Variants in MXD3 observed in about 807,000 individuals in gnomAD.
MXD3 encodes Max-associated protein 3.
Under a neutral mutation model 27.5 loss-of-function variants are expected in MXD3, and 20 were observed. The ratio of observed to expected loss-of-function variants is 0.73; its 90% confidence interval spans 0.51 to 1.06. The LOEUF (loss-of-function observed/expected upper bound fraction) is 1.06, where lower values mean the gene tolerates loss of function less well. Ranked by LOEUF, MXD3 falls within the 50% of genes least tolerant of loss-of-function variation. The pLI, the probability that MXD3 is intolerant of heterozygous loss-of-function variation, is 0.00. For missense variants in MXD3, 298 were observed against 291.3 expected, an observed-to-expected ratio of 1.02 and a Z score of -0.17; for synonymous variants, 150 against 130.7, an observed-to-expected ratio of 1.15 and a Z score of -1.01.
At chr5:177,312,148 A>C, upstream of MXD3, 1 of 1,063,082 alleles carries the variant, frequency 9.4e-7, no homozygotes, top group Non-Finnish European at 1.1e-6. Flanking sequence ...CGCCTCACTC[A>C]TCCACCCACG....
At chr5:177,312,544 C>T (rs1384568431), upstream of MXD3, 6 of 985,442 alleles carry the variant, frequency 6.1e-6, no homozygotes, top group South Asian at 4.7e-5. Context: ...GGGCGGCGGA[C>T]CCGGCTCCTG....
rs1760902401 is a variant in MXD3 at position 177,307,261 on chromosome 5, G to A, written c.*327C>T. 6.4e-7 allele frequency: 1 copy of A among 1,551,678 alleles called. No individual in the cohort carries two copies. The highest frequency in any genetic ancestry group is 8.7e-7 in the Non-Finnish European group (1 of 1,146,976). On this transcript the variant is annotated 3_prime_UTR_variant, in exon 6 of 6. Transcript: ENST00000439742. ...ACTGTACAGTTTATGTGAGGCAAAG[G>A]CAGGGGGCCTTGTCCAGGAAGGGAA...
Position 177,307,600 on chromosome 5 carries a change from G to C in MXD3, c.609C>G (p.Gly203=). 1.2e-6 allele frequency: 2 copies of C among 1,612,604 alleles called. No homozygotes were observed. Among genetic ancestry groups the C allele is most frequent in the Non-Finnish European group, 1.7e-6 (2 of 1,179,884 alleles). ...TGGGTGAGGAACATCATAGCCAGGCGCCGCCGCCGTGCGAGTAGCTGTGCT... is the reference window on the plus strand; with the variant it reads ...TGGGTGAGGAACATCATAGCCAGGCCCCGCCGCCGTGCGAGTAGCTGTGCT... ...GQEHSYSHGG[G]AWL The change falls in exon 6 of 6, where the codon GGC becomes GGG. Residue 203 remains glycine (G), a synonymous_variant. Coordinates refer to ENST00000439742, the MANE Select transcript of MXD3 (RefSeq NM_031300.4).
At chr5:177,308,321 T>A (rs1001044130) in intron 4 of MXD3, among the ~76,000 whole-genome samples, 2 of 151,726 alleles carry the variant, frequency 1.3e-5, no homozygotes, top group African/African-American at 4.8e-5. Context: ...GCCAGGCATG[T>A]GCTGTCATGG....
In MXD3 at chr5:177,311,891, C is replaced by T; in HGVS notation, c.-61G>A. The T allele has an allele frequency of 6.4e-7, 1 of 1,566,864 alleles. No homozygotes were observed. The highest frequency in any genetic ancestry group is 8.6e-7 in the Non-Finnish European group (1 of 1,158,538). On this transcript the variant is annotated 5_prime_UTR_variant, in exon 1 of 6. In the 5' UTR this introduces an upstream ATG that the reference lacks. Coordinates refer to ENST00000439742, the MANE Select transcript of MXD3 (RefSeq NM_031300.4). Reference sequence around the variant, plus strand: ...CCGGCCGGAGCAAGCGGCTGCAGCACTTTTGTTACAAAGTAACTGACACGG... The same window carrying T: ...CCGGCCGGAGCAAGCGGCTGCAGCATTTTTGTTACAAAGTAACTGACACGG...
In MXD3 at chr5:177,307,293, CA is replaced by C; in HGVS notation, c.*294del. ...GCCTTGTCCAGGAAGGGAAGAGGCC[CA>C]AGAGGCTTCCTGTCCCCTTGGGGGC... On this transcript the variant is annotated 3_prime_UTR_variant, in exon 6 of 6. Transcript: ENST00000439742. 1.9e-6 allele frequency: 3 copies of C among 1,550,114 alleles called. No individual in the cohort carries two copies. The highest frequency in any genetic ancestry group is 2.6e-6 in the Non-Finnish European group (3 of 1,145,948).
In MXD3 at chr5:177,307,448, G is replaced by A. The variant is rs1033621489; in HGVS notation, c.*140C>T. ...CAGCCAGCAGCAGGGTGTTTGGGGA[G>A]CACCTGTTCCCACACAAGGGTCCTT... On this transcript the variant is annotated 3_prime_UTR_variant, in exon 6 of 6. Coordinates refer to ENST00000439742, the MANE Select transcript of MXD3 (RefSeq NM_031300.4). 22 of 1,518,068 alleles carry A rather than the reference G, an allele frequency of 1.4e-5. No individual in the cohort carries two copies. Among genetic ancestry groups the A allele is most frequent in the East Asian group, 1.2e-4 (5 of 40,814 alleles). 94.0% of individuals were successfully genotyped at this position (1,518,068 alleles called of 1,614,324 possible). A position where few individuals can be genotyped will look rare whatever the true frequency, so the allele number is the denominator to read the frequency against.
At position 177,311,763 on chromosome 5, in the gene MXD3, C is replaced by A; in HGVS notation, c.68G>T (p.Arg23Ile). Residue 23 changes from arginine to isoleucine, a missense_variant and splice_region_variant, in exon 1 of 6, where the codon AGA (arginine) becomes ATA (isoleucine). Transcript: ENST00000439742. ...TTCAGCCAAGGGTCCTTCCTCACCT[C>A]TCTCACGGCGCTCCAGGAACTCGGC... ...QAAEFLERRE[R>I]EAEHGYASLC... is the part of the protein sequence containing the mutation. The A allele has an allele frequency of 6.2e-7, 1 of 1,613,182 alleles. No homozygotes were observed. The highest frequency in any genetic ancestry group is 1.1e-5 in the South Asian group (1 of 90,816).
chr5:177,306,258 C>A, downstream of MXD3: 2 of 1,565,314 alleles, frequency 1.3e-6, no homozygotes, highest in South Asian at 2.2e-5. Context: ...TTAGTCATTG[C>A]CCTGCTCTGA....
rs373495932 is a variant in MXD3, at chr5:177,311,806, G to A, written c.25C>T (p.Gln9Ter). MEPLASNI[Q>*]VLLQAAEFLE... is the part of the protein sequence containing the mutation. ...AACTCGGCCGCCTGCAGCAGGACCT[G>A]GATGTTGCTGGCCAAGGGTTCCATG... The change falls in exon 1 of 6, where the codon CAG (glutamine) becomes TAG (stop). Residue 9 changes from glutamine (Q) to a stop codon, truncating the protein, a stop_gained. Coordinates refer to ENST00000439742, the MANE Select transcript of MXD3 (RefSeq NM_031300.4). LOFTEE classifies it high-confidence loss of function. The A allele has an allele frequency of 6.3e-5, 102 of 1,612,860 alleles. No homozygotes were observed. The highest frequency in any genetic ancestry group is 8.3e-5 in the Non-Finnish European group (98 of 1,179,478).
At chr5:177,308,366 CTTTTGTT>C (rs953200430) in intron 4 of MXD3, among the ~76,000 whole-genome samples, 2 of 151,722 alleles carry the variant, frequency 1.3e-5, no homozygotes, top group East Asian at 1.9e-4. Context: ...CTCCCCGTTT[CTTTTGTT>C]TTTTGTTTTT....
Position 177,307,451 on chromosome 5 carries a change from C to T in MXD3, c.*137G>A. The T allele has an allele frequency of 6.6e-7, 1 of 1,524,858 alleles. No individual in the cohort carries two copies. Among genetic ancestry groups the T allele is most frequent in the Non-Finnish European group, 8.8e-7 (1 of 1,133,214 alleles). 94.5% of individuals were successfully genotyped at this position (1,524,858 alleles called of 1,614,324 possible). On this transcript the variant is annotated 3_prime_UTR_variant, in exon 6 of 6. Transcript: ENST00000439742. ...CCAGCAGCAGGGTGTTTGGGGAGCACCTGTTCCCACACAAGGGTCCTTTTA... is the reference window on the plus strand; with the variant it reads ...CCAGCAGCAGGGTGTTTGGGGAGCATCTGTTCCCACACAAGGGTCCTTTTA...
chr5:177,309,010 C>A (rs1290581636), intron 4 of MXD3, among the ~76,000 whole-genome samples: 1 of 152,120 alleles, frequency 6.6e-6, no homozygotes, highest in African/African-American at 2.4e-5. Flanking sequence ...TTGGACTGGG[C>A]GTAGAAAGAT....
In MXD3 at chr5:177,307,907, G is replaced by C. The variant is rs1256257831; in HGVS notation, c.379C>G (p.Gln127Glu). ...TCCAGCTGCCGCTGCAGGCTCTGCT[G>C]CTTGCTGCGCAGCCTCTCCTTGAGC... The part of the protein sequence containing the change: ...RQLKERLRSK[Q>E]QSLQRQLEQL... Residue 127 changes from glutamine (Q) to glutamate (E), a missense_variant, in exon 5 of 6, where the codon CAG (glutamine) becomes GAG (glutamate). Physicochemically the swap from Gln to Glu is conservative, Grantham distance 29. Transcript: ENST00000439742. The C allele has an allele frequency of 6.3e-7, 1 of 1,599,246 alleles. No homozygotes were observed. Among genetic ancestry groups the C allele is most frequent in the East Asian group, 2.3e-5 (1 of 44,422 alleles).
intron 1 of MXD3, 90 bp from the exon 2 acceptor site, chr5:177,311,574 T>C (rs1761040671): frequency 1.6e-6 from 2 of 1,231,002 alleles, no homozygotes; most frequent in East Asian, 5.4e-5. Context: ...GGAAAGGCTT[T>C]TGGCGCCAGG....
chr5:177,307,509 G>T lies in MXD3; in HGVS notation c.*79C>A. On this transcript the variant is annotated 3_prime_UTR_variant, in exon 6 of 6. Transcript: ENST00000439742. ...CCAACAGGTGACTCCGAGCAGCCCT[G>T]AAGGCTTGGGGAGGGCTCCTGCCTG... 6.4e-7 allele frequency: 1 copy of T among 1,566,332 alleles called. No individual in the cohort carries two copies.
At chr5:177,306,038 T>TGGGGC, downstream of MXD3, 3 of 1,601,302 alleles carry the variant, frequency 1.9e-6, no homozygotes, top group South Asian at 2.2e-5. Flanking sequence ...CTTTCGGTGT[T>TGGGGC]GGGGCTGGGC....
chr5:177,312,002 G>T, upstream of MXD3: 1 of 1,278,008 alleles, frequency 7.8e-7, no homozygotes, highest in Non-Finnish European at 9.9e-7. Context: ...TCTGGAACCC[G>T]CCACGGAGCC....
At chr5:177,309,101 G>T (rs967262655) in intron 4 of MXD3, among the ~76,000 whole-genome samples, 3 of 152,226 alleles carry the variant, frequency 2.0e-5, no homozygotes, top group Non-Finnish European at 2.9e-5. Flanking sequence ...AGAGCATTCA[G>T]CTTCTGTGGG....
Sources: gnomAD v4.1 joint callset for allele counts (sites outside exome capture counted in the v4.1 genomes callset) on GRCh38, gnomAD v4.1.1 for gene constraint, MANE v1.5 for transcripts, NCBI Gene and HGNC (gene_info 2026-07-23, HGNC 2026-07-21) for gene names.